ZFHX4: variants seen among roughly 807,000 people sequenced by gnomAD.
The protein encoded by ZFHX4 is zinc finger homeobox protein 4.
In ZFHX4, 56 loss-of-function variants were observed where a neutral mutation model predicts 267.6. That is an observed-to-expected ratio of 0.21 (90% CI 0.17 to 0.26). The LOEUF (loss-of-function observed/expected upper bound fraction) is 0.26, where lower values mean the gene tolerates loss of function less well. ZFHX4 is among the 10% of genes least tolerant of loss of function. ZFHX4 has a pLI of 1.00. For missense variants in ZFHX4, 4,332 were observed against 4,420.0 expected (o/e 0.98, Z 0.56); for synonymous variants, 1,778 against 1,665.6 (o/e 1.07, Z -1.64).
intron 4 of ZFHX4, among the ~76,000 whole-genome samples, chr8:76,832,931 T>A (rs1165822010): frequency 6.6e-6 from 1 of 152,180 alleles, no homozygotes; most frequent in Non-Finnish European, 1.5e-5. Context: ...TATACAGTAA[T>A]GATATTTTTT....
In ZFHX4 at chr8:76,853,659, C is replaced by T. The variant is rs1812612628; in HGVS notation, c.6738C>T (p.Asp2246=). ...YQLRVLQDFF[D]TNAYPKDDEI... Reference sequence around the variant, plus strand: ...TTAGGGTTCTGCAAGACTTTTTTGACACAAACGCTTACCCAAAAGATGATG... The same window carrying T: ...TTAGGGTTCTGCAAGACTTTTTTGATACAAACGCTTACCCAAAAGATGATG... The change falls in exon 10 of 11, where the codon GAC becomes GAT. Residue 2246 remains aspartate (D), a synonymous_variant. Transcript: ENST00000651372. The T allele has an allele frequency of 6.2e-7, 1 of 1,613,600 alleles. No individual in the cohort carries two copies. Among genetic ancestry groups the T allele is most frequent in the East Asian group, 2.2e-5 (1 of 44,780 alleles).
chr8:76,705,210 T>C lies in ZFHX4; in HGVS notation c.1122T>C (p.Ser374=). 6.8e-6 allele frequency: 11 copies of C among 1,614,012 alleles called. No individual in the cohort carries two copies. The highest frequency in any genetic ancestry group is 1.3e-5 in the African/African-American group (1 of 75,062). The part of the protein sequence containing the change: ...WSAFHVENGD[S]LPAGFAFLKG... ...CTTTTCATGTTGAAAATGGTGACTC[T>C]TTGCCGGCTGGCTTTGCCTTCTTAA... Residue 374 remains serine (S), a synonymous_variant, in exon 2 of 11, where the codon TCT becomes TCC. Coordinates refer to ENST00000651372, the MANE Select transcript of ZFHX4 (RefSeq NM_024721.5).
At chr8:76,755,104 T>C (rs1809727739) in intron 3 of ZFHX4, among the ~76,000 whole-genome samples, 1 of 152,230 alleles carries the variant, frequency 6.6e-6, no homozygotes, top group South Asian at 2.1e-4. Context: ...TAATTTGTAT[T>C]TATTTAACTA....
At chr8:76,745,133 G>A (rs921618606) in intron 3 of ZFHX4, among the ~76,000 whole-genome samples, 1 of 152,014 alleles carries the variant, frequency 6.6e-6, no homozygotes, top group African/African-American at 2.4e-5. Flanking sequence ...TATAAAACCC[G>A]GTTTAAAAAT....
rs2131941675 is a variant in ZFHX4, at chr8:76,851,446, A to C, written c.4525A>C (p.Ile1509Leu). 2 of 1,613,878 alleles carry C rather than the reference A, an allele frequency of 1.2e-6. No homozygotes were observed. The highest frequency in any genetic ancestry group is 1.7e-6 in the Non-Finnish European group (2 of 1,179,860). Reference sequence around the variant, plus strand: ...TCCTGTAGGAAGTGATAGTAGCTCTATTCCAGATGACATGGGCTCTGAACC... The same window carrying C: ...TCCTGTAGGAAGTGATAGTAGCTCTCTTCCAGATGACATGGGCTCTGAACC... Reference protein sequence around the residue: ...ASPVGSDSSSIPDDMGSEPKR... With the variant: ...ASPVGSDSSSLPDDMGSEPKR... The change falls in exon 10 of 11, where the codon ATT becomes CTT. Residue 1509 changes from isoleucine (I) to leucine (L), a missense_variant. Physicochemically the swap from Ile to Leu is conservative, Grantham distance 5. Around this residue, in one of 7 missense-constraint regions of ZFHX4, gnomAD observed 1,371 missense variants for 1,423.1 expected, o/e 0.96. Transcript: ENST00000651372.
chr8:76,836,006 A>C (rs901930681), intron 5 of ZFHX4, among the ~76,000 whole-genome samples: 1 of 152,140 alleles, frequency 6.6e-6, no homozygotes, highest in African/African-American at 2.4e-5. Flanking sequence ...CTCCATCTCA[A>C]TTGATGACAT....
chr8:76,763,735 A>T (rs1809978815), intron 3 of ZFHX4, among the ~76,000 whole-genome samples: 1 of 152,214 alleles, frequency 6.6e-6, no homozygotes, highest in South Asian at 2.1e-4. Context: ...TTGTTGAGGA[A>T]AAAAGTAAAA....
At chr8:76,682,247 C>G (rs539943781) in intron 1 of ZFHX4, among the ~76,000 whole-genome samples, 82 of 152,348 alleles carry the variant, frequency 5.4e-4, no homozygotes, top group African/African-American at 1.9e-3. Context: ...CCACCCCCCA[C>G]CCCACCTTAT....
At position 76,852,921 on chromosome 8, in the gene ZFHX4, A is replaced by G. The variant is rs1404691866; in HGVS notation, c.6000A>G (p.Pro2000=). ...DKLYPISPSS[P]ETPPPPPPPP... ...TTTATCCAATTTCTCCATCTTCTCC[A>G]GAAACGCCGCCCCCGCCACCTCCTC... The change falls in exon 10 of 11, where the codon CCA becomes CCG. Residue 2000 remains proline (P), a synonymous_variant. Transcript: ENST00000651372. The G allele has an allele frequency of 1.2e-6, 2 of 1,602,470 alleles. No homozygotes were observed. Among genetic ancestry groups the G allele is most frequent in the African/African-American group, 1.3e-5 (1 of 74,714 alleles).
At chr8:76,745,580 GAT>G (rs113474060) in intron 3 of ZFHX4, among the ~76,000 whole-genome samples, 43,048 of 150,992 alleles carry the variant, frequency 0.29, 8,503 homozygotes, top group African/African-American at 0.55. Context: ...TTTTCTAAAA[GAT>G]ATATATATAT....
In ZFHX4 at chr8:76,855,517, T is replaced by A. The variant is rs1254095774; in HGVS notation, c.8596T>A (p.Phe2866Ile). The A allele has an allele frequency of 6.2e-7, 1 of 1,613,848 alleles. No homozygotes were observed. The highest frequency in any genetic ancestry group is 2.2e-5 in the East Asian group (1 of 44,848). Reference sequence around the variant, plus strand: ...GGAGGTCTGCGATGACAAATTTCTCTTTTCTCTCACAAGCCCATCCATCCA... The same window carrying A: ...GGAGGTCTGCGATGACAAATTTCTCATTTCTCTCACAAGCCCATCCATCCA... ...TTEVCDDKFL[F>I]SLTSPSIHFN... Residue 2866 changes from phenylalanine (F) to isoleucine (I), a missense_variant, in exon 10 of 11, where the codon TTT becomes ATT. Physicochemically the swap from Phe to Ile is conservative, Grantham distance 21 (BLOSUM62 0). Coordinates refer to ENST00000651372, the MANE Select transcript of ZFHX4 (RefSeq NM_024721.5).
intron 3 of ZFHX4, among the ~76,000 whole-genome samples, chr8:76,753,693 GGCTCA>G (rs986028633): frequency 1.4e-5 from 2 of 143,166 alleles, no homozygotes; most frequent in African/African-American, 5.2e-5. Flanking sequence ...GGAGTGCAGT[GGCTCA>G]CTGCTCAAGC....
At chr8:76,764,027 T>C (rs1809987238) in intron 3 of ZFHX4, among the ~76,000 whole-genome samples, 1 of 152,164 alleles carries the variant, frequency 6.6e-6, no homozygotes, top group South Asian at 2.1e-4. Context: ...CTCAACAACA[T>C]CAACAAAATG....
intron 4 of ZFHX4, among the ~76,000 whole-genome samples, chr8:76,808,845 C>A (rs943475231): frequency 6.6e-6 from 1 of 152,008 alleles, no homozygotes; most frequent in Non-Finnish European, 1.5e-5. Flanking sequence ...CAGTCCTTTT[C>A]GCACTTACCT....
intron 4 of ZFHX4, among the ~76,000 whole-genome samples, chr8:76,816,422 T>C (rs1025286869): frequency 2.0e-5 from 3 of 152,098 alleles, no homozygotes; most frequent in African/African-American, 7.2e-5. Flanking sequence ...ATTACCTGCA[T>C]ATCACTTCTC....
intron 3 of ZFHX4, among the ~76,000 whole-genome samples, chr8:76,719,150 A>ATGTG (rs10589034): frequency 0.018 from 2,358 of 134,424 alleles, 52 homozygotes; most frequent in African/African-American, 0.053. Flanking sequence ...GATGAATTGC[A>ATGTG]TGTGTGTGTG....
chr8:76,738,461 C>T (rs948721065), intron 3 of ZFHX4, among the ~76,000 whole-genome samples: 13 of 152,048 alleles, frequency 8.5e-5, no homozygotes, highest in African/African-American at 1.7e-4. Flanking sequence ...TTGTAACTAC[C>T]GTAACATTTC....
chr8:76,861,259 T>A (rs1448058177), intron 10 of ZFHX4, among the ~76,000 whole-genome samples: 2 of 152,282 alleles, frequency 1.3e-5, no homozygotes, highest in East Asian at 3.9e-4. Flanking sequence ...TCTTAAATAT[T>A]TGAATTATTT....
intron 4 of ZFHX4, among the ~76,000 whole-genome samples, chr8:76,796,245 A>T (rs1810976602): frequency 6.6e-6 from 1 of 152,162 alleles, no homozygotes; most frequent in South Asian, 2.1e-4. Flanking sequence ...AGCTTAGGTA[A>T]GATAGCTGAC....
Sources: allele counts gnomAD v4.1 joint callset (sites outside exome capture counted in the v4.1 genomes callset), GRCh38; gene constraint gnomAD v4.1.1; regional missense constraint gnomAD v4.1.1; transcripts MANE v1.5; gene names NCBI Gene and HGNC (gene_info 2026-07-23, HGNC 2026-07-21).